CDK14: variants seen among roughly 807,000 people sequenced by gnomAD.
CDK14 encodes cyclin-dependent kinase 14.
Under a neutral mutation model 60.7 loss-of-function variants are expected in CDK14, and 34 were observed. That is an observed-to-expected ratio of 0.56 (90% confidence interval 0.43 to 0.75). The LOEUF is 0.75. CDK14 is among the 30% of genes least tolerant of loss of function. CDK14 has a pLI of 0.00. For synonymous variants in CDK14, 197 were observed against 203.7 expected (o/e 0.97, Z 0.28); for missense variants, 482 against 564.1 (o/e 0.85, Z 1.47).
At chr7:91,063,294 GA>G (rs1282643315) in intron 11 of CDK14, among the ~76,000 whole-genome samples, 2 of 152,002 alleles carry the variant, frequency 1.3e-5, no homozygotes, top group African/African-American at 4.8e-5. Flanking sequence ...ATAGGAGAAA[GA>G]AAAAAAACTT....
intron 7 of CDK14, among the ~76,000 whole-genome samples, chr7:90,906,373 A>G (rs918408864): frequency 1.4e-4 from 22 of 152,114 alleles, no homozygotes; most frequent in African/African-American, 5.1e-4. Context: ...TATTGTCTTT[A>G]AAAAGAGCAT....
At chr7:90,814,823 T>C (rs1325222377) in intron 5 of CDK14, among the ~76,000 whole-genome samples, 1 of 152,168 alleles carries the variant, frequency 6.6e-6, no homozygotes, top group Non-Finnish European at 1.5e-5. Context: ...GCCAGGAAGC[T>C]GATTGTAAAT....
intron 14 of CDK14, among the ~76,000 whole-genome samples, chr7:91,190,032 A>G (rs1218391154): frequency 6.6e-6 from 1 of 152,256 alleles, no homozygotes; most frequent in African/African-American, 2.4e-5. Context: ...GAACAGATAC[A>G]TTGCAGTTTT....
intron 2 of CDK14, among the ~76,000 whole-genome samples, chr7:90,638,682 T>C (rs1311349336): frequency 6.6e-6 from 1 of 152,244 alleles, no homozygotes; most frequent in East Asian, 1.9e-4. Context: ...TGGCCTGCCT[T>C]GCTAGATTGG....
chr7:91,118,152 G>A lies in CDK14; in HGVS notation c.1382G>A (p.Gly461Asp), dbSNP rs2116376784. 1 of 1,612,966 alleles carries A rather than the reference G, an allele frequency of 6.2e-7. No individual in the cohort carries two copies. ...MRAFGKNNSY[G>D]KSLSNSKH ...GCCTTTGGGAAAAACAATAGTTATG[G>A]CAAAAGTCTATCAAACAGCAAGCAC... is the stretch of plus-strand genomic sequence containing the variant. The change falls in exon 14 of 15, where the codon GGC becomes GAC. Residue 461 changes from glycine (G) to aspartate (D), a missense_variant. Transcript: ENST00000380050.
At position 90,863,190 on chromosome 7, in the gene CDK14, G is replaced by A; in HGVS notation, c.560G>A (p.Gly187Glu). The change falls in exon 6 of 15, where the codon GGA becomes GAA. Residue 187 changes from glycine (G) to glutamate (E), a missense_variant. Gly to Glu is a moderately conservative substitution (Grantham distance 98). Transcript: ENST00000380050. ...TAIREASLLK[G>E]LKHANIVLLH... ...TGTTTTACAGCTTCTCTTTTAAAAGGACTAAAACATGCTAACATAGTGCTA... is the reference window on the plus strand; with the variant it reads ...TGTTTTACAGCTTCTCTTTTAAAAGAACTAAAACATGCTAACATAGTGCTA... The A allele has an allele frequency of 6.2e-7, 1 of 1,601,454 alleles. No individual in the cohort carries two copies. Among genetic ancestry groups the A allele is most frequent in the Non-Finnish European group, 8.5e-7 (1 of 1,170,820 alleles).
intron 2 of CDK14, among the ~76,000 whole-genome samples, chr7:90,725,903 A>G (rs1802617625): frequency 6.6e-6 from 1 of 152,042 alleles, no homozygotes; most frequent in East Asian, 1.9e-4. Flanking sequence ...AATAATGTAA[A>G]CCAAATTTTG....
At chr7:91,159,795 C>T (rs964253683) in intron 14 of CDK14, among the ~76,000 whole-genome samples, 9 of 152,090 alleles carry the variant, frequency 5.9e-5, no homozygotes, top group Non-Finnish European at 1.0e-4. Context: ...GTTCCCAATG[C>T]GACTTGGTGG....
chr7:90,890,095 A>G (rs1049943527), intron 6 of CDK14, among the ~76,000 whole-genome samples: 1 of 152,266 alleles, frequency 6.6e-6, no homozygotes, highest in Non-Finnish European at 1.5e-5. Context: ...CCTCTAGGCC[A>G]GGCATGATGG....
At chr7:91,003,915 G>A (rs746149780) in intron 10 of CDK14, among the ~76,000 whole-genome samples, 7 of 152,122 alleles carry the variant, frequency 4.6e-5, no homozygotes, top group African/African-American at 1.7e-4. Context: ...GCTGGTCCCC[G>A]TGTATCACCC....
intron 14 of CDK14, among the ~76,000 whole-genome samples, chr7:91,155,077 T>G (rs1044506286): frequency 6.6e-6 from 1 of 151,970 alleles, no homozygotes; most frequent in African/African-American, 2.4e-5. Flanking sequence ...TGATCAGAAG[T>G]GAACTATTGA....
At chr7:91,174,227 CAG>C (rs1431414817) in intron 14 of CDK14, among the ~76,000 whole-genome samples, 2 of 151,982 alleles carry the variant, frequency 1.3e-5, no homozygotes, top group Admixed American at 6.6e-5. Context: ...GGTATTCCAA[CAG>C]ACCTGCAGCT....
intron 14 of CDK14, among the ~76,000 whole-genome samples, chr7:91,158,051 T>TATATA (rs1002280139): frequency 1.4e-5 from 2 of 148,014 alleles, no homozygotes; most frequent in Admixed American, 1.4e-4. Context: ...AAACATTTTT[T>TATATA]ATATAATATA....
At chr7:91,034,573 C>T (rs375506006) in intron 10 of CDK14, among the ~76,000 whole-genome samples, 1 of 152,110 alleles carries the variant, frequency 6.6e-6, no homozygotes, top group Non-Finnish European at 1.5e-5. Flanking sequence ...AACACCCTCT[C>T]CTTCAATCCA....
At chr7:90,654,482 G>A (rs1227926103) in intron 2 of CDK14, among the ~76,000 whole-genome samples, 1 of 152,146 alleles carries the variant, frequency 6.6e-6, no homozygotes, top group Non-Finnish European at 1.5e-5. Context: ...ATCAAGGAGA[G>A]TGTAAAGTCT....
At chr7:90,874,757 T>C (rs1791500802) in intron 6 of CDK14, among the ~76,000 whole-genome samples, 2 of 151,278 alleles carry the variant, frequency 1.3e-5, no homozygotes, top group African/African-American at 4.9e-5. Flanking sequence ...CTCGATCTCC[T>C]GACCTCATGA....
chr7:91,152,624 G>GCTATGTC lies in CDK14; in HGVS notation c.*28+34418_*28+34419insATGTCCT, dbSNP rs547177494. 2.0e-4 allele frequency among the ~76,000 whole-genome samples: 30 copies of GCTATGTC among 152,218 alleles called. No homozygotes were observed. In the East Asian group the frequency reaches 5.4e-3, roughly 27 times the overall value. ...CTTTATTGAGTACTATGTGCTATGT[G>GCTATGTC]CTGGGGCTGTAAAGCTTAGAAATAA... On this transcript the variant is annotated intron_variant, in intron 14 of 14. Coordinates refer to ENST00000380050, the MANE Select transcript of CDK14 (RefSeq NM_001287135.2).
intron 8 of CDK14, among the ~76,000 whole-genome samples, chr7:90,944,888 T>C (rs1395680603): frequency 6.6e-6 from 1 of 152,204 alleles, no homozygotes; most frequent in African/African-American, 2.4e-5. Flanking sequence ...GTTCATTACC[T>C]GGACCAGGAA....
At chr7:91,162,778 G>C (rs1469025848) in intron 14 of CDK14, among the ~76,000 whole-genome samples, 1 of 152,222 alleles carries the variant, frequency 6.6e-6, no homozygotes, top group African/African-American at 2.4e-5. Context: ...AAAGTATGTA[G>C]AGTGGAGACA....
Sources: allele counts gnomAD v4.1 joint callset (sites outside exome capture counted in the v4.1 genomes callset), GRCh38; gene constraint gnomAD v4.1.1; transcripts MANE v1.5; gene names NCBI Gene and HGNC (gene_info 2026-07-23, HGNC 2026-07-21).